The following TTC27 variants were observed in gnomAD, a reference collection of about 807,000 sequenced individuals.
TTC27 encodes the protein tetratricopeptide repeat protein 27.
A neutral mutation model predicts 115.9 loss-of-function variants in TTC27; 79 were observed. That is an observed-to-expected ratio of 0.68 (90% CI 0.57 to 0.82). The LOEUF (loss-of-function observed/expected upper bound fraction) is 0.82. TTC27 is among the 40% of genes least tolerant of loss of function. The pLI, the probability that TTC27 is intolerant of heterozygous loss-of-function variation, is 0.00. For synonymous variants in TTC27, 401 were observed against 356.0 expected (o/e 1.13, Z -1.42); for missense variants, 1,054 against 993.1 (o/e 1.06, Z -0.82).
At chr2:32,628,528 G>T (rs1224217955) in intron 1 of TTC27, 148 bp downstream of exon 1, 1 of 768,300 alleles carries the variant, frequency 1.3e-6, no homozygotes, top group Non-Finnish European at 2.0e-6. Flanking sequence ...TCTTTGACAT[G>T]GTGGGCGTGG....
At chr2:32,656,052 A>G (rs1250936588) in intron 5 of TTC27, among the ~76,000 whole-genome samples, 3 of 152,112 alleles carry the variant, frequency 2.0e-5, no homozygotes, top group Non-Finnish European at 4.4e-5. Flanking sequence ...CAACACTGCT[A>G]TTGAGTACTG....
chr2:32,784,652 C>G (rs1670290949), intron 15 of TTC27, among the ~76,000 whole-genome samples: 1 of 152,150 alleles, frequency 6.6e-6, no homozygotes, highest in Admixed American at 6.5e-5. Context: ...TGAAGTGAAG[C>G]ACCTTACAAA....
intron 10 of TTC27, among the ~76,000 whole-genome samples, chr2:32,705,484 A>G (rs1474723818): frequency 1.3e-5 from 2 of 152,002 alleles, no homozygotes. Context: ...ATTTTTATTT[A>G]TTTATTTTTT....
At chr2:32,671,537 C>T (rs1666016726) in intron 7 of TTC27, among the ~76,000 whole-genome samples, 1 of 152,186 alleles carries the variant, frequency 6.6e-6, no homozygotes. Context: ...AAATTTTGAA[C>T]TGTATTCTAT....
At chr2:32,795,084 A>G (rs756282853) in intron 16 of TTC27, among the ~76,000 whole-genome samples, 5 of 151,706 alleles carry the variant, frequency 3.3e-5, no homozygotes, top group Admixed American at 6.6e-5. Flanking sequence ...GGCTCATGCT[A>G]TGAGGCCAGC....
intron 9 of TTC27, among the ~76,000 whole-genome samples, chr2:32,700,483 T>G (rs1465498130): frequency 6.6e-6 from 1 of 152,190 alleles, no homozygotes; most frequent in Non-Finnish European, 1.5e-5. Context: ...TGACCCGTTA[T>G]GGGTAGTGGA....
chr2:32,748,987 C>T (rs1668921969), intron 12 of TTC27, among the ~76,000 whole-genome samples: 1 of 152,068 alleles, frequency 6.6e-6, no homozygotes, highest in Admixed American at 6.5e-5. Context: ...CATGCCTGGC[C>T]TGAGTTATAT....
intron 13 of TTC27, among the ~76,000 whole-genome samples, chr2:32,760,591 G>T (rs1196161623): frequency 6.6e-6 from 1 of 152,128 alleles, no homozygotes; most frequent in Non-Finnish European, 1.5e-5. Context: ...TGGCGGCGGG[G>T]AGGGGTTGGT....
chr2:32,740,244 T>A (rs1011936910), intron 12 of TTC27, among the ~76,000 whole-genome samples: 1 of 152,204 alleles, frequency 6.6e-6, no homozygotes, highest in African/African-American at 2.4e-5. Flanking sequence ...TAGGGATAGA[T>A]AAGGGTTGGG....
rs1045261511 is a variant in TTC27 at position 32,708,005 on chromosome 2, C to T, written c.1233+5085C>T. On this transcript the variant is annotated intron_variant, in intron 10 of 19. Coordinates refer to ENST00000317907, the MANE Select transcript of TTC27 (RefSeq NM_017735.5). Reference sequence around the variant, plus strand: ...GAGGTATGTCAAAAGGACACAGTAGCTAATCTAAAGAGAACCCAGTGGTCA... The same window carrying T: ...GAGGTATGTCAAAAGGACACAGTAGTTAATCTAAAGAGAACCCAGTGGTCA... 2.5e-4 allele frequency among the ~76,000 whole-genome samples: 38 copies of T among 151,958 alleles called. 1 individual carries two copies. Among genetic ancestry groups the T allele is most frequent in the Admixed American group, 2.6e-4 (4 of 15,246 alleles).
At chr2:32,692,692 T>C (rs942502237) in intron 9 of TTC27, among the ~76,000 whole-genome samples, 8 of 152,008 alleles carry the variant, frequency 5.3e-5, no homozygotes, top group Non-Finnish European at 1.2e-4. Flanking sequence ...AAAAATCTGG[T>C]GGGGCACGGT....
intron 3 of TTC27, among the ~76,000 whole-genome samples, chr2:32,634,971 G>C (rs1197902565): frequency 6.6e-6 from 1 of 152,084 alleles, no homozygotes; most frequent in Non-Finnish European, 1.5e-5. Flanking sequence ...GGTAAGTTTT[G>C]ATACTGTACT....
chr2:32,628,739 CTATT>C (rs35823725), intron 1 of TTC27, among the ~76,000 whole-genome samples: 78,446 of 144,790 alleles, frequency 0.54, 21,236 homozygotes, highest in East Asian at 0.66. Context: ...TTTATTTTAT[CTATT>C]TATTTATTTA....
chr2:32,689,449 T>C, intron 9 of TTC27, among the ~76,000 whole-genome samples: 1 of 152,276 alleles, frequency 6.6e-6, no homozygotes, highest in Admixed American at 6.5e-5. Flanking sequence ...ACACAAACTA[T>C]TCAATTTACC....
chr2:32,697,318 C>G (rs1372517280), intron 9 of TTC27, among the ~76,000 whole-genome samples: 3 of 152,138 alleles, frequency 2.0e-5, no homozygotes, highest in Non-Finnish European at 2.9e-5. Context: ...AAGGCTGAAA[C>G]TCTGTGCTTA....
intron 6 of TTC27, among the ~76,000 whole-genome samples, chr2:32,665,651 T>G (rs144256089): frequency 0.016 from 2,490 of 152,252 alleles, 138 homozygotes; most frequent in Admixed American, 0.12. Context: ...TCCCAGCACT[T>G]TGGGAGGCTG....
chr2:32,690,934 C>T (rs774510015), intron 9 of TTC27, among the ~76,000 whole-genome samples: 8 of 152,252 alleles, frequency 5.3e-5, no homozygotes, highest in South Asian at 4.1e-4. Flanking sequence ...GGGCATCGTT[C>T]GATTTGGCTT....
chr2:32,696,137 A>AAT (rs1553552197), intron 9 of TTC27, among the ~76,000 whole-genome samples: 7 of 149,174 alleles, frequency 4.7e-5, no homozygotes, highest in African/African-American at 1.7e-4. Flanking sequence ...AAAAAAAAAA[A>AAT]AATAATTGTT....
intron 10 of TTC27, among the ~76,000 whole-genome samples, chr2:32,727,679 T>C (rs1668155843): frequency 6.6e-6 from 1 of 152,336 alleles, no homozygotes; most frequent in Admixed American, 6.5e-5. Context: ...TCATCTATTA[T>C]GCCATACATT....
Sources: allele counts gnomAD v4.1 joint callset (sites outside exome capture counted in the v4.1 genomes callset), GRCh38; gene constraint gnomAD v4.1.1; transcripts MANE v1.5; gene names NCBI Gene and HGNC (gene_info 2026-07-23, HGNC 2026-07-21).